Variants in PSD2 observed in about 807,000 individuals in gnomAD.
PSD2 encodes PH and SEC7 domain-containing protein 2.
Under a neutral mutation model 69.8 loss-of-function variants are expected in PSD2, and 38 were observed. That is an observed-to-expected ratio of 0.54 (90% CI 0.42 to 0.71). The LOEUF is 0.71. PSD2 is among the 30% of genes least tolerant of loss of function. The pLI is 0.00. For missense variants in PSD2, 943 were observed against 1,014.5 expected (o/e 0.93, Z 0.96); for synonymous variants, 412 against 423.0 (o/e 0.97, Z 0.32).
chr5:139,766,853 T>A, the PSD2 span, among the ~76,000 whole-genome samples: 1 of 148,964 alleles, frequency 6.7e-6, no homozygotes, highest in East Asian at 2.0e-4. Context: ...CTTTCTTTCT[T>A]TCTTTCTTTC....
intron 4 of PSD2, among the ~76,000 whole-genome samples, chr5:139,815,115 T>G (rs933111501): frequency 6.6e-6 from 1 of 152,134 alleles, no homozygotes; most frequent in African/African-American, 2.4e-5. Flanking sequence ...GGAGATGACA[T>G]GCAGGCTAGG....
intron 6 of PSD2, 92 bp from the exon 7 acceptor site, chr5:139,822,634 G>C: frequency 8.5e-7 from 1 of 1,174,852 alleles, no homozygotes; most frequent in East Asian, 2.6e-5. Context: ...GCCTCCCTCT[G>C]TGTCCAAGGT....
At chr5:139,781,992 G>T in the PSD2 span, among the ~76,000 whole-genome samples, 1 of 152,122 alleles carries the variant, frequency 6.6e-6, no homozygotes, top group African/African-American at 2.4e-5. Context: ...ATAATTGCCT[G>T]CCTGGATTTA....
the PSD2 span, among the ~76,000 whole-genome samples, chr5:139,763,496 G>A: frequency 6.6e-6 from 1 of 152,214 alleles, no homozygotes; most frequent in Non-Finnish European, 1.5e-5. Flanking sequence ...GACTCAAGCC[G>A]AGTGGGCCCA....
the PSD2 span, among the ~76,000 whole-genome samples, chr5:139,768,434 C>A: frequency 1.3e-5 from 2 of 152,248 alleles, no homozygotes; most frequent in South Asian, 4.1e-4. Flanking sequence ...ATAAAAACAC[C>A]TTCCTTGGCC....
intron 7 of PSD2, among the ~76,000 whole-genome samples, chr5:139,833,097 G>C (rs1179641793): frequency 6.6e-6 from 1 of 152,092 alleles, no homozygotes; most frequent in Non-Finnish European, 1.5e-5. Flanking sequence ...CTGCCCCTCT[G>C]TGCAGGTGAG....
chr5:139,841,822 G>T (rs6873156), intron 14 of PSD2, among the ~76,000 whole-genome samples: 1 of 152,108 alleles, frequency 6.6e-6, no homozygotes, highest in Admixed American at 6.5e-5. Flanking sequence ...AATTCAAGTC[G>T]TTTGCCCATT....
the PSD2 span, among the ~76,000 whole-genome samples, chr5:139,746,440 G>A: frequency 6.6e-6 from 1 of 152,202 alleles, no homozygotes; most frequent in African/African-American, 2.4e-5. This position sits in a 1 kb window ranked among gnomAD's most constrained non-coding sequence, Gnocchi z 4.5. Flanking sequence ...GGTCACCCGA[G>A]CCTTCTCCCT....
intron 1 of PSD2, among the ~76,000 whole-genome samples, chr5:139,801,879 C>CCT (rs1385480107): frequency 6.6e-6 from 1 of 152,126 alleles, no homozygotes; most frequent in Non-Finnish European, 1.5e-5. Flanking sequence ...TCTTGGGTCC[C>CCT]CTCTCTCTCT....
chr5:139,793,565 G>A (rs563850122), upstream of PSD2, among the ~76,000 whole-genome samples: 271 of 152,336 alleles, frequency 1.8e-3, no homozygotes, highest in Non-Finnish European at 3.2e-3. Flanking sequence ...TAGGTTCTGT[G>A]TGCCAGCCCA....
Position 139,836,931 on chromosome 5 carries a change from G to A in PSD2, c.1524G>A (p.Ala508=), listed in dbSNP as rs574247018. The A allele has an allele frequency of 3.2e-5, 52 of 1,614,122 alleles. No homozygotes were observed. The South Asian group carries it at 3.7e-4, about 12-fold the overall frequency. ...ACCCCTTCCTGGATGTCCCACAGGCGCTCAGTGCCACCACCTACAAGCACG... is the reference window on the plus strand; with the variant it reads ...ACCCCTTCCTGGATGTCCCACAGGCACTCAGTGCCACCACCTACAAGCACG... ...GGNPFLDVPQ[A]LSATTYKHGV... The change falls in exon 10 of 15, where the codon GCG becomes GCA. Residue 508 remains alanine (A), a synonymous_variant. Transcript: ENST00000274710.
chr5:139,810,738 G>C (rs1465735463), intron 2 of PSD2, among the ~76,000 whole-genome samples: 1 of 152,208 alleles, frequency 6.6e-6, no homozygotes, highest in Non-Finnish European at 1.5e-5. Context: ...GGTGTGCCAT[G>C]GCCCTAAGAG....
the PSD2 span, among the ~76,000 whole-genome samples, chr5:139,781,496 C>T: frequency 1.3e-5 from 2 of 151,258 alleles, no homozygotes; most frequent in South Asian, 2.1e-4. Context: ...CCACCACGCC[C>T]GGCTAATTTT....
At chr5:139,798,127 C>G (rs1759578959) in intron 1 of PSD2, among the ~76,000 whole-genome samples, 1 of 152,234 alleles carries the variant, frequency 6.6e-6, no homozygotes, top group African/African-American at 2.4e-5. Context: ...CGTATTTAGA[C>G]TGGCTCTCCA....
intron 1 of PSD2, among the ~76,000 whole-genome samples, chr5:139,804,123 G>C (rs1223972206): frequency 6.6e-6 from 1 of 152,194 alleles, no homozygotes; most frequent in Non-Finnish European, 1.5e-5. Flanking sequence ...TCTCTTTTAA[G>C]TGTCTGTGTG....
chr5:139,794,863 A>C (rs1581703843), upstream of PSD2, among the ~76,000 whole-genome samples: 2 of 152,244 alleles, frequency 1.3e-5, no homozygotes, highest in Middle Eastern at 6.8e-3. Context: ...CAGGTGCCTC[A>C]CAGCCAGGAA....
At chr5:139,836,132 T>C (rs1288854346) in intron 9 of PSD2, among the ~76,000 whole-genome samples, 1 of 152,202 alleles carries the variant, frequency 6.6e-6, no homozygotes, top group Non-Finnish European at 1.5e-5. Flanking sequence ...CTGGAGAATA[T>C]GACCACGTTT....
chr5:139,764,205 C>G, the PSD2 span, among the ~76,000 whole-genome samples: 1 of 152,152 alleles, frequency 6.6e-6, no homozygotes, highest in African/African-American at 2.4e-5. Flanking sequence ...CTGCGGGCTG[C>G]GAGATGGGGA....
chr5:139,766,975 TTCTTTC>T, the PSD2 span, among the ~76,000 whole-genome samples: 3 of 145,734 alleles, frequency 2.1e-5, no homozygotes, highest in Admixed American at 7.1e-5. Context: ...CTTTCTTTCT[TTCTTTC>T]TTTCTTTCTT....
Sources: allele counts gnomAD v4.1 joint callset (sites outside exome capture counted in the v4.1 genomes callset), GRCh38; gene constraint gnomAD v4.1.1; non-coding constraint Gnocchi (gnomAD v3.1); transcripts MANE v1.5; gene names NCBI Gene and HGNC (gene_info 2026-07-23, HGNC 2026-07-21).